Variants in NADSYN1 observed in about 807,000 individuals in gnomAD.
NADSYN1 encodes glutamine-dependent NAD(+) synthetase.
A neutral mutation model predicts 99.3 loss-of-function variants in NADSYN1; 80 were observed. That is an observed-to-expected ratio of 0.81 (90% CI 0.67 to 0.97). The LOEUF is 0.97. Ranked by LOEUF, NADSYN1 falls within the 50% of genes least tolerant of loss-of-function variation. The pLI is 0.00. For missense variants in NADSYN1, 859 were observed against 948.5 expected (o/e 0.91, Z 1.24); for synonymous variants, 385 against 372.1 (o/e 1.03, Z -0.40).
At chr11:71,458,614 A>G in intron 3 of NADSYN1, 70 bp downstream of exon 3, 1 of 1,053,374 alleles carries the variant, frequency 9.5e-7, no homozygotes, top group South Asian at 1.3e-5. Context: ...GACCCACCCA[A>G]CCGGCCTCCA....
In NADSYN1 at chr11:71,498,485, A is replaced by G. The variant is rs776860993; in HGVS notation, c.2027A>G (p.Tyr676Cys). The change falls in exon 20 of 21, where the codon TAC becomes TGC. Residue 676 changes from tyrosine (Y) to cysteine (C), a missense_variant. Tyr to Cys is a radical substitution (Grantham distance 194, BLOSUM62 -2). Coordinates refer to ENST00000319023, the MANE Select transcript of NADSYN1 (RefSeq NM_018161.5). ...DNRFDLRPFL[Y>C]NTSWPWQFRC... ...AGGTTTGATCTGCGACCATTTCTGT[A>G]CAACACAAGCTGGCCTTGGCAGTTT... 5.6e-6 allele frequency: 9 copies of G among 1,614,068 alleles called. No individual in the cohort carries two copies. In the African/African-American group the frequency reaches 1.1e-4, roughly 19 times the overall value.
At chr11:71,490,617 G>A (rs1949772159) in intron 16 of NADSYN1, among the ~76,000 whole-genome samples, 2 of 152,166 alleles carry the variant, frequency 1.3e-5, no homozygotes, top group Admixed American at 1.3e-4. Context: ...GGTGACCCCC[G>A]AAATCTGCCT....
At chr11:71,453,404 A>T (rs1412833763) in intron 1 of NADSYN1, 23 bp downstream of exon 1, 8 of 1,604,578 alleles carry the variant, frequency 5.0e-6, no homozygotes, top group Non-Finnish European at 6.8e-6. Context: ...CGGCGGGGGC[A>T]CCGGTTTGGG....
In NADSYN1 at chr11:71,489,077, G is replaced by GT. The variant is rs756957116; in HGVS notation, c.1563-1767dup. ...AGAGAGAGCAGGAGGGGAGGGGAGA[G>GT]TGAAGCCAGCCCTGCAGGGTTAAGT... On this transcript the variant is annotated intron_variant, in intron 16 of 20. Coordinates refer to ENST00000319023, the MANE Select transcript of NADSYN1 (RefSeq NM_018161.5). Among the ~76,000 whole-genome samples, 65 of 152,214 alleles carry GT rather than the reference G, an allele frequency of 4.3e-4. No homozygotes were observed. The Middle Eastern group carries it at 0.014, about 32-fold the overall frequency.
chr11:71,490,744 C>A, intron 16 of NADSYN1, 101 bp from the exon 17 acceptor site: 1 of 1,512,364 alleles, frequency 6.6e-7, no homozygotes, highest in Non-Finnish European at 8.9e-7. Flanking sequence ...TGCCACACTT[C>A]TGGCTTCAGG....
rs762111240 is a variant in NADSYN1 at position 71,498,548 on chromosome 11, TTCTC to T, written c.2070+25_2070+28del. 1.2e-6 allele frequency: 2 copies of T among 1,611,240 alleles called. No homozygotes were observed. Among genetic ancestry groups the T allele is most frequent in the Admixed American group, 1.7e-5 (1 of 59,906 alleles). On this transcript the variant is annotated intron_variant, in intron 20 of 20. Transcript: ENST00000319023. ...AATCAGGTAAATCCAGCAGAAATGTTTCTCTCTCCATGTTTCATGTCTGTAGAAG... is the reference window on the plus strand; with the variant it reads ...AATCAGGTAAATCCAGCAGAAATGTTTCTCCATGTTTCATGTCTGTAGAAG...
intron 2 of NADSYN1, among the ~76,000 whole-genome samples, chr11:71,457,976 C>T (rs1401433343): frequency 1.3e-5 from 2 of 152,116 alleles, no homozygotes; most frequent in African/African-American, 4.8e-5. Context: ...ATCATTCAGC[C>T]GACTACAAGC....
intron 9 of NADSYN1, 50 bp from the exon 10 acceptor site, chr11:71,478,345 A>G: frequency 2.1e-6 from 3 of 1,456,306 alleles, no homozygotes; most frequent in Non-Finnish European, 1.9e-6. Context: ...TACACGTGGG[A>G]GTTGAACAAA....
intron 18 of NADSYN1, among the ~76,000 whole-genome samples, chr11:71,492,867 CTTAT>C (rs1387679727): frequency 6.6e-6 from 1 of 150,876 alleles, no homozygotes; most frequent in African/African-American, 2.5e-5. Flanking sequence ...GAATGTCTTA[CTTAT>C]TTAAGTTGTC....
chr11:71,470,131 G>A (rs1450306909), intron 5 of NADSYN1, among the ~76,000 whole-genome samples: 1 of 152,192 alleles, frequency 6.6e-6, no homozygotes, highest in African/African-American at 2.4e-5. Flanking sequence ...AAGCAAAAAG[G>A]GAAACCCATT....
chr11:71,459,910 A>C (rs1351363593), intron 3 of NADSYN1: 1 of 152,364 alleles, frequency 6.6e-6, no homozygotes, highest in Admixed American at 6.5e-5. Context: ...CCATGGACAC[A>C]AAACACACAA....
At chr11:71,460,069 G>A (rs75591845) in intron 3 of NADSYN1, 2,328 of 152,528 alleles carry the variant, frequency 0.015, 66 homozygotes, top group African/African-American at 0.054. Flanking sequence ...CCTCCCAGCT[G>A]TGATGTCACC....
intron 16 of NADSYN1, among the ~76,000 whole-genome samples, chr11:71,487,073 G>A (rs1263385035): frequency 6.6e-6 from 1 of 152,118 alleles, no homozygotes; most frequent in African/African-American, 2.4e-5. Flanking sequence ...CCCAAAGAGT[G>A]TGAGTGTCTT....
At chr11:71,464,026 T>G in intron 4 of NADSYN1, 27 bp from the exon 5 acceptor site, 1 of 1,580,378 alleles carries the variant, frequency 6.3e-7, no homozygotes, top group Non-Finnish European at 8.7e-7. Context: ...GAGCCCGGTG[T>G]GCACAGCCCT....
At chr11:71,465,832 T>G (rs769177732) in intron 5 of NADSYN1, among the ~76,000 whole-genome samples, 1 of 152,258 alleles carries the variant, frequency 6.6e-6, no homozygotes, top group East Asian at 1.9e-4. Flanking sequence ...TGTAATTGAC[T>G]ACCTCATTAA....
chr11:71,469,927 G>GAAAAAAAAAAAAAAAAAAAAAA (rs749801544), intron 5 of NADSYN1, among the ~76,000 whole-genome samples: 1 of 109,180 alleles, frequency 9.2e-6, no homozygotes. Context: ...GCCTGTCTCA[G>GAAAAAAAAAAAAAAAAAAAAAA]AAAAAAAAAA....
At position 71,491,073 on chromosome 11, in the gene NADSYN1, C is replaced by G; in HGVS notation, c.1694+97C>G. On this transcript the variant is annotated intron_variant, in intron 17 of 20. Transcript: ENST00000319023. ...CCCACACTCAGGCTCCTTCGTAGCT[C>G]CTGTTGCCTGCTGAATGGTCCTGCC... 2.0e-6 allele frequency: 3 copies of G among 1,509,800 alleles called. 1 individual carries two copies. The highest frequency in any genetic ancestry group is 9.0e-7 in the Non-Finnish European group (1 of 1,111,316). The allele number at this position is 1,509,800 out of a possible 1,614,324, so 93.5% of individuals were successfully genotyped here.
chr11:71,488,526 T>C (rs960299172), intron 16 of NADSYN1, among the ~76,000 whole-genome samples: 7 of 152,130 alleles, frequency 4.6e-5, no homozygotes, highest in Admixed American at 1.3e-4. Context: ...TTTTGGAAAG[T>C]GTGCGGCGTG....
rs1051162209 is a variant in NADSYN1, at chr11:71,476,916, C to T, written c.799-1479C>T. Reference sequence around the variant, plus strand: ...AGAATCCGGGAGCCGTTGCCTTACACGTCTCTAGAGTTCCTGATGTTGCCT... The same window carrying T: ...AGAATCCGGGAGCCGTTGCCTTACATGTCTCTAGAGTTCCTGATGTTGCCT... On this transcript the variant is annotated intron_variant, in intron 9 of 20. Transcript: ENST00000319023. 2.8e-5 allele frequency: 28 copies of T among 988,278 alleles called. No homozygotes were observed. The South Asian group carries it at 4.2e-4, about 15-fold the overall frequency. The allele number at this position is 988,278 out of a possible 1,614,324, so 61.2% of individuals were successfully genotyped here.
Sources: allele counts gnomAD v4.1 joint callset (sites outside exome capture counted in the v4.1 genomes callset), GRCh38; gene constraint gnomAD v4.1.1; transcripts MANE v1.5; gene names NCBI Gene and HGNC (gene_info 2026-07-23, HGNC 2026-07-21).